The following ZNF540 variants were observed in gnomAD, a reference collection of about 807,000 sequenced individuals.
The protein encoded by ZNF540 is CTD-3064H18.6.
A neutral mutation model predicts 11.8 loss-of-function variants in ZNF540; 3 were observed. The ratio of observed to expected loss-of-function variants is 0.25; its 90% CI spans 0.12 to 0.65. The LOEUF (loss-of-function observed/expected upper bound fraction) is 0.65, where lower values mean the gene tolerates loss of function less well. Ranked by LOEUF, ZNF540 falls within the 30% of genes least tolerant of loss-of-function variation. ZNF540 has a pLI of 0.83. For synonymous variants in ZNF540, 247 were observed against 259.0 expected, an observed-to-expected ratio of 0.95 and a Z score of 0.45; for missense variants, 709 against 793.1, an observed-to-expected ratio of 0.89 and a Z score of 1.27.
At position 37,612,459 on chromosome 19, in the gene ZNF540, T is replaced by C; in HGVS notation, c.1179T>C (p.Asn393=). 3 of 1,614,214 alleles carry C rather than the reference T, an allele frequency of 1.9e-6. No individual in the cohort carries two copies. Among genetic ancestry groups the C allele is most frequent in the Non-Finnish European group, 2.5e-6 (3 of 1,180,034 alleles). Residue 393 remains asparagine (N), a synonymous_variant, in exon 5 of 5, where the codon AAT becomes AAC. Coordinates refer to ENST00000316433, the MANE Select transcript of ZNF540 (RefSeq NM_001172225.3). ...YECKECGKSF[N]VRGQLNRHKT... ...GTAAGGAGTGTGGGAAATCATTTAATGTGCGTGGACAGCTTAATCGGCATA... is the reference window on the plus strand; with the variant it reads ...GTAAGGAGTGTGGGAAATCATTTAACGTGCGTGGACAGCTTAATCGGCATA...
chr19:37,602,998 A>AG (rs2044051652), intron 4 of ZNF540, among the ~76,000 whole-genome samples: 1 of 137,036 alleles, frequency 7.3e-6, no homozygotes, highest in Non-Finnish European at 1.5e-5. Context: ...ATGGGATGTA[A>AG]GGAGTCTTTT....
intron 1 of ZNF540, among the ~76,000 whole-genome samples, chr19:37,576,450 C>T (rs974542568): frequency 2.6e-5 from 4 of 152,064 alleles, no homozygotes; most frequent in African/African-American, 9.7e-5. Context: ...ATTAGCAGCT[C>T]GTAAAACCTT....
chr19:37,599,655 AG>A lies in ZNF540; in HGVS notation c.40del (p.Asp14ThrfsTer21). On this transcript the variant is annotated frameshift_variant, in exon 3 of 5. Coordinates refer to ENST00000316433, the MANE Select transcript of ZNF540 (RefSeq NM_001172225.3). LOFTEE classifies it high-confidence loss of function. ...TGGTGACGTTCAGGGATGTGGCTAT[AG>A]ACTTCTCTCAGAAGGAATGGGAGTG... is the stretch of plus-strand genomic sequence containing the variant. ...ALVTFRDVAI[D>X]FSQKEWECLD... 1 of 1,614,094 alleles carries A rather than the reference AG, an allele frequency of 6.2e-7. No homozygotes were observed. Among genetic ancestry groups the A allele is most frequent in the Non-Finnish European group, 8.5e-7 (1 of 1,179,978 alleles).
At chr19:37,566,055 AG>A in intron 1 of ZNF540, 2 of 1,614,118 alleles carry the variant, frequency 1.2e-6, no homozygotes, top group Non-Finnish European at 1.7e-6. Flanking sequence ...AAAGTAGAAG[AG>A]GTTGAATGAC....
intron 1 of ZNF540, chr19:37,564,814 A>C: frequency 6.2e-7 from 1 of 1,613,636 alleles, no homozygotes; most frequent in Non-Finnish European, 8.5e-7. Flanking sequence ...CACGAATAAA[A>C]GCCTTCCCAC....
chr19:37,588,039 G>GC lies in ZNF540; in HGVS notation c.-72-10336dup, dbSNP rs1338915329. 2.4e-4 allele frequency among the ~76,000 whole-genome samples: 33 copies of GC among 136,240 alleles called. 1 individual carries two copies. The highest frequency in any genetic ancestry group is 4.5e-3 in the Middle Eastern group (1 of 224). 89.4% of individuals were successfully genotyped at this position (136,240 alleles called of 152,430 possible). A position where few individuals can be genotyped will look rare whatever the true frequency, so the allele number is the denominator to read the frequency against. The stretch of plus-strand genomic sequence containing the variant: ...CACTTGTACGCGGGAGGTGGAGGTT[G>GC]CAGTGACCCAAGATTGCGCCACTGC... On this transcript the variant is annotated intron_variant, in intron 1 of 4. Transcript: ENST00000592533.
chr19:37,611,349 CA>C, intron 4 of ZNF540, 163 bp from the exon 5 acceptor site: 1 of 556,510 alleles, frequency 1.8e-6, no homozygotes, highest in Non-Finnish European at 3.0e-6. Flanking sequence ...TTTCTAAGCT[CA>C]TGTTGCCTAA....
In ZNF540 at chr19:37,613,267, A is replaced by G. The variant is rs746778205; in HGVS notation, c.*4A>G. On this transcript the variant is annotated 3_prime_UTR_variant, in exon 5 of 5. Transcript: ENST00000316433. ...GAAAACTCATAATGTAATTTAATATAAGAAAAGGTTTCCATGTCATGCTCT... is the reference window on the plus strand; with the variant it reads ...GAAAACTCATAATGTAATTTAATATGAGAAAAGGTTTCCATGTCATGCTCT... 9 of 1,475,464 alleles carry G rather than the reference A, an allele frequency of 6.1e-6. No individual in the cohort carries two copies. The highest frequency in any genetic ancestry group is 8.1e-6 in the Non-Finnish European group (9 of 1,110,504). The allele number at this position is 1,475,464 out of a possible 1,614,324, so 91.4% of individuals were successfully genotyped here. A position where few individuals can be genotyped will look rare whatever the true frequency, so the allele number is the denominator to read the frequency against.
chr19:37,568,519 A>C (rs186404562), intron 1 of ZNF540, among the ~76,000 whole-genome samples: 7 of 152,334 alleles, frequency 4.6e-5, no homozygotes, highest in Admixed American at 4.6e-4. Flanking sequence ...TTGGGACCCA[A>C]AATAGCTACC....
chr19:37,588,115 A>G (rs1194337765), intron 1 of ZNF540, among the ~76,000 whole-genome samples: 1 of 150,498 alleles, frequency 6.6e-6, no homozygotes, highest in Non-Finnish European at 1.5e-5. Flanking sequence ...AAAAAAAAAA[A>G]AAAAAAAAAA....
chr19:37,561,561 C>G (rs138370657), intron 1 of ZNF540, among the ~76,000 whole-genome samples: 1 of 152,288 alleles, frequency 6.6e-6, no homozygotes, highest in Admixed American at 6.5e-5. Context: ...TGCAGGTCTT[C>G]TCAACCTTTT....
At chr19:37,579,078 C>G (rs2043352497) in intron 1 of ZNF540, among the ~76,000 whole-genome samples, 2 of 152,240 alleles carry the variant, frequency 1.3e-5, no homozygotes, top group South Asian at 4.1e-4. Context: ...CAGAGCCCTT[C>G]TGAAAATCCA....
intron 4 of ZNF540, chr19:37,611,024 C>CT (rs35099503): frequency 0.27 from 38,696 of 144,862 alleles, 5,797 homozygotes; most frequent in East Asian, 0.63. Context: ...CTTATATAAT[C>CT]TTTTTTTTTT....
intron 1 of ZNF540, 106 bp downstream of exon 1, chr19:37,595,201 TGTGTGTGTGTGTGC>T (rs1384694462): frequency 6.6e-6 from 1 of 151,514 alleles, no homozygotes; most frequent in Non-Finnish European, 1.5e-5. Flanking sequence ...TTTGCGGCCA[TGTGTGTGTGTGTGC>T]GTGTGTGTGT....
intron 1 of ZNF540, chr19:37,564,510 A>C (rs1308438841): frequency 3.1e-6 from 4 of 1,284,524 alleles, no homozygotes; most frequent in Non-Finnish European, 4.1e-6. Flanking sequence ...GAATGAGCAG[A>C]TTCTGAGCAG....
intron 4 of ZNF540, among the ~76,000 whole-genome samples, chr19:37,601,467 T>C (rs1370780351): frequency 6.6e-6 from 1 of 152,242 alleles, no homozygotes; most frequent in Admixed American, 6.5e-5. Flanking sequence ...TCAGCATATA[T>C]TTACCGAGTG....
chr19:37,557,403 G>A (rs2042670934), intron 1 of ZNF540, among the ~76,000 whole-genome samples: 1 of 152,232 alleles, frequency 6.6e-6, no homozygotes, highest in South Asian at 2.1e-4. Flanking sequence ...CCGTAGCAAA[G>A]GCGTACCTGC....
intron 1 of ZNF540, chr19:37,565,954 C>T: frequency 6.2e-7 from 1 of 1,613,700 alleles, no homozygotes; most frequent in Non-Finnish European, 8.5e-7. Flanking sequence ...TATGATTTTC[C>T]TCATGTTGAA....
chr19:37,588,563 GAGA>G (rs1340898528), intron 1 of ZNF540, among the ~76,000 whole-genome samples: 1 of 152,084 alleles, frequency 6.6e-6, no homozygotes, highest in Non-Finnish European at 1.5e-5. Flanking sequence ...AGAGCACGGA[GAGA>G]AGGAGGAGGG....
Sources: gnomAD v4.1 joint callset for allele counts (sites outside exome capture counted in the v4.1 genomes callset) on GRCh38, gnomAD v4.1.1 for gene constraint, MANE v1.5 for transcripts, NCBI Gene and HGNC (gene_info 2026-07-23, HGNC 2026-07-21) for gene names.